Variants in AAR2 observed in about 807,000 individuals in gnomAD.
AAR2 encodes the protein AAR2 splicing factor.
In AAR2, 31 loss-of-function variants were observed where a neutral mutation model predicts 26.9. The ratio of observed to expected loss-of-function variants is 1.15; its 90% CI spans 0.86 to 1.55. The LOEUF (loss-of-function observed/expected upper bound fraction) is 1.55, where lower values mean the gene tolerates loss of function less well. AAR2 is among the 40% of genes most tolerant of loss of function. The pLI is 0.00. For synonymous variants in AAR2, 188 were observed against 196.1 expected, an observed-to-expected ratio of 0.96 and a Z score of 0.34; for missense variants, 430 against 491.3, an observed-to-expected ratio of 0.88 and a Z score of 1.18.
Position 36,240,433 on chromosome 20 carries a change from C to G in AAR2, c.565C>G (p.Gln189Glu). The change falls in exon 2 of 4, where the codon CAA (glutamine) becomes GAA (glutamate). Residue 189 changes from glutamine (Q) to glutamate (E), a missense_variant. Physicochemically the swap from Gln to Glu is conservative, Grantham distance 29 (BLOSUM62 2). Coordinates refer to ENST00000320849, the MANE Select transcript of AAR2 (RefSeq NM_001271874.2). ...CTGTGGCATTGAGTGCAAAAGCTAC[C>G]AAGAGGGCCTGGCCCGGCTACCAGA... ...PRCGIECKSY[Q>E]EGLARLPEMK... is the part of the protein sequence containing the mutation. The G allele has an allele frequency of 1.2e-6, 2 of 1,614,198 alleles. No homozygotes were observed. Among genetic ancestry groups the G allele is most frequent in the Non-Finnish European group, 1.7e-6 (2 of 1,180,044 alleles).
intron 1 of AAR2, 59 bp from the exon 2 acceptor site, chr20:36,239,762 T>C: frequency 7.4e-7 from 1 of 1,355,618 alleles, no homozygotes; most frequent in Non-Finnish European, 1.0e-6. Flanking sequence ...ACAGAATGCT[T>C]AGCAAATGAA....
intron 3 of AAR2, among the ~76,000 whole-genome samples, chr20:36,251,215 C>T (rs1219937222): frequency 6.6e-6 from 1 of 151,514 alleles, no homozygotes; most frequent in East Asian, 1.9e-4. Flanking sequence ...AAAAAATTAT[C>T]TAGGTATTCG....
intron 2 of AAR2, among the ~76,000 whole-genome samples, chr20:36,243,694 C>T (rs2064705953): frequency 6.6e-6 from 1 of 152,182 alleles, no homozygotes; most frequent in Non-Finnish European, 1.5e-5. Flanking sequence ...AAATTGGGAA[C>T]ATAATATTTT....
At chr20:36,245,968 A>G (rs1029718776) in intron 3 of AAR2, among the ~76,000 whole-genome samples, 6 of 152,200 alleles carry the variant, frequency 3.9e-5, no homozygotes, top group African/African-American at 9.6e-5. Flanking sequence ...ATAGTGAGCA[A>G]TGATTATGAT....
At position 36,256,444 on chromosome 20, in the gene AAR2, C is replaced by T. The variant is rs1383453740; in HGVS notation, c.*699C>T. ...TCAGAGGCCTTGCTGGTGCTGTCAC[C>T]TCCCACCTGTTCCATTCCGAGGCCT... On this transcript the variant is annotated 3_prime_UTR_variant, in exon 4 of 4. Coordinates refer to ENST00000320849, the MANE Select transcript of AAR2 (RefSeq NM_001271874.2). 3.3e-5 allele frequency: 5 copies of T among 152,360 alleles called. No homozygotes were observed. The highest frequency in any genetic ancestry group is 9.6e-5 in the African/African-American group (4 of 41,452). 9.4% of individuals were successfully genotyped at this position (152,360 alleles called of 1,614,324 possible). A position where few individuals can be genotyped will look rare whatever the true frequency, so the allele number is the denominator to read the frequency against.
At chr20:36,241,663 G>A (rs2064681480) in intron 2 of AAR2, among the ~76,000 whole-genome samples, 1 of 152,208 alleles carries the variant, frequency 6.6e-6, no homozygotes, top group Non-Finnish European at 1.5e-5. Flanking sequence ...TGCACCTGTA[G>A]TCCCAGCTAC....
chr20:36,256,667 C>A lies in AAR2; in HGVS notation c.*922C>A. On this transcript the variant is annotated 3_prime_UTR_variant, in exon 4 of 4. Transcript: ENST00000320849. ...CCAGTCCCGCTGTGGAGCTGTCAGT[C>A]ACCGGAGTAATGAGCTCCTGGTTCC... The A allele has an allele frequency of 6.6e-6, 1 of 152,518 alleles. No individual in the cohort carries two copies. Among genetic ancestry groups the A allele is most frequent in the Non-Finnish European group, 1.5e-5 (1 of 68,058 alleles). The allele number at this position is 152,518 out of a possible 1,614,324, so 9.4% of individuals were successfully genotyped here. A position where few individuals can be genotyped will look rare whatever the true frequency, so the allele number is the denominator to read the frequency against.
chr20:36,246,855 G>A (rs1387907492), intron 3 of AAR2, among the ~76,000 whole-genome samples: 1 of 152,206 alleles, frequency 6.6e-6, no homozygotes, highest in African/African-American at 2.4e-5. Context: ...TCCAGGGCAT[G>A]TGCCAAAACA....
chr20:36,254,876 T>A (rs2064806958), intron 3 of AAR2, among the ~76,000 whole-genome samples: 1 of 152,170 alleles, frequency 6.6e-6, no homozygotes. Context: ...CTCAGAACAC[T>A]AACACTAGCC....
rs2064796183 is a variant in AAR2 at position 36,253,425 on chromosome 20, T to C, written c.988-2153T>C. 2.0e-5 allele frequency among the ~76,000 whole-genome samples: 3 copies of C among 152,202 alleles called. No individual in the cohort carries two copies. The South Asian group carries it at 6.2e-4, about 32-fold the overall frequency. ...CTTCTTCCTTTCTGGGTAATTTTTA[T>C]TCAGTCATTTAACTCCTCTCAGCTT... On this transcript the variant is annotated intron_variant, in intron 3 of 3. Coordinates refer to ENST00000320849, the MANE Select transcript of AAR2 (RefSeq NM_001271874.2).
At chr20:36,250,904 G>GA (rs1003075977) in intron 3 of AAR2, among the ~76,000 whole-genome samples, 10 of 148,598 alleles carry the variant, frequency 6.7e-5, no homozygotes, top group Non-Finnish European at 1.0e-4. Flanking sequence ...AAATTAAGAA[G>GA]AAAAAAAAAA....
intron 1 of AAR2, among the ~76,000 whole-genome samples, chr20:36,236,987 T>C (rs931017748): frequency 2.6e-5 from 4 of 152,224 alleles, no homozygotes; most frequent in Admixed American, 2.6e-4. Context: ...CCCCAGATTA[T>C]ATCACAGGAG....
chr20:36,249,679 C>A (rs2064766344), intron 3 of AAR2, among the ~76,000 whole-genome samples: 1 of 152,192 alleles, frequency 6.6e-6, no homozygotes, highest in Non-Finnish European at 1.5e-5. Context: ...TCTCATTGAG[C>A]CCTCACAACA....
chr20:36,247,760 T>C (rs1300506382), intron 3 of AAR2, among the ~76,000 whole-genome samples: 1 of 152,006 alleles, frequency 6.6e-6, no homozygotes, highest in Non-Finnish European at 1.5e-5. Flanking sequence ...TCCCAGCTAC[T>C]CAGGAGGCTG....
chr20:36,245,000 G>A (rs1371364384), intron 3 of AAR2, 74 bp downstream of exon 3: 12 of 1,405,850 alleles, frequency 8.5e-6, no homozygotes, highest in Non-Finnish European at 1.1e-5. Context: ...TTTGTTTCTC[G>A]CTATTCTTCC....
rs368281821 is a variant in AAR2, at chr20:36,246,287, C to T, written c.987+1361C>T. ...GGTCCTGTTTCTCAGAGGTACAGAA[C>T]GCTTTTCTAAAGCCAACCTACTGTT... On this transcript the variant is annotated intron_variant, in intron 3 of 3. Coordinates refer to ENST00000320849, the MANE Select transcript of AAR2 (RefSeq NM_001271874.2). Among the ~76,000 whole-genome samples, 10 of 152,298 alleles carry T rather than the reference C, an allele frequency of 6.6e-5. No individual in the cohort carries two copies. The East Asian group carries it at 1.4e-3, about 21-fold the overall frequency.
At position 36,255,768 on chromosome 20, in the gene AAR2, G is replaced by A. The variant is rs371729424; in HGVS notation, c.*23G>A. The A allele has an allele frequency of 2.7e-5, 44 of 1,613,204 alleles. No individual in the cohort carries two copies. In the African/African-American group the frequency reaches 3.3e-4, roughly 12 times the overall value. ...TAACTCGGGGAGCGCTCTCAGCTGC[G>A]AGGGGCCCCTTCCCACAGGGCTGCA... On this transcript the variant is annotated 3_prime_UTR_variant, in exon 4 of 4. Coordinates refer to ENST00000320849, the MANE Select transcript of AAR2 (RefSeq NM_001271874.2).
intron 1 of AAR2, among the ~76,000 whole-genome samples, chr20:36,238,303 T>C (rs1275244197): frequency 6.6e-6 from 1 of 152,206 alleles, no homozygotes; most frequent in African/African-American, 2.4e-5. Context: ...ATTGATTTCC[T>C]AATCCACTAA....
intron 3 of AAR2, among the ~76,000 whole-genome samples, chr20:36,245,665 T>C (rs1020169883): frequency 6.6e-6 from 1 of 152,192 alleles, no homozygotes; most frequent in African/African-American, 2.4e-5. Flanking sequence ...GCCTGCTCCA[T>C]ATAAGGCAGC....
Sources: allele counts gnomAD v4.1 joint callset (sites outside exome capture counted in the v4.1 genomes callset), GRCh38; gene constraint gnomAD v4.1.1; transcripts MANE v1.5; gene names NCBI Gene and HGNC (gene_info 2026-07-23, HGNC 2026-07-21).